BEND3: variants seen among roughly 807,000 people sequenced by gnomAD.
BEND3 encodes the protein BEN domain-containing protein 3.
Under a neutral mutation model 60.1 loss-of-function variants are expected in BEND3, and 13 were observed. The observed-to-expected ratio is 0.22, with a 90% confidence interval of 0.14 to 0.34. The LOEUF (loss-of-function observed/expected upper bound fraction) is 0.34, where lower values mean the gene tolerates loss of function less well. BEND3 is among the 10% of genes least tolerant of loss of function. The probability of loss-of-function intolerance (pLI) is 1.00; values close to 1 mark genes in which losing one functional copy is unlikely to be tolerated. For synonymous variants in BEND3, 497 were observed against 491.5 expected (o/e 1.01, Z -0.15); for missense variants, 896 against 1,138.1 (o/e 0.79, Z 3.06).
chr6:107,092,422 C>T (rs546798018), intron 3 of BEND3, among the ~76,000 whole-genome samples: 40 of 152,028 alleles, frequency 2.6e-4, no homozygotes, highest in Admixed American at 1.1e-3. Context: ...TCACAAAATC[C>T]CACACCATTC....
rs181872110 is a variant in BEND3 at position 107,069,489 on chromosome 6, G to A, written c.1702C>T (p.Leu568=). 6.2e-7 allele frequency: 1 copy of A among 1,613,028 alleles called. No individual in the cohort carries two copies. The highest frequency in any genetic ancestry group is 2.2e-5 in the East Asian group (1 of 44,866). ...EQLRSIYESS[L]SIGNFASRLL... Reference sequence around the variant, plus strand: ...CGCGAGGCGAAGTTGCCGATGGACAGGCTGCTCTCGTAGATGCTGCGTAGC... The same window carrying A: ...CGCGAGGCGAAGTTGCCGATGGACAAGCTGCTCTCGTAGATGCTGCGTAGC... Residue 568 remains leucine, a synonymous_variant, in exon 4 of 4, where the codon CTG becomes TTG. Transcript: ENST00000369042.
intron 3 of BEND3, among the ~76,000 whole-genome samples, chr6:107,082,337 G>C (rs1775252035): frequency 6.6e-6 from 1 of 152,182 alleles, no homozygotes; most frequent in African/African-American, 2.4e-5. Context: ...ACGTGAGTGA[G>C]GTTATTCCAG....
At chr6:107,089,206 A>G (rs532532950) in intron 3 of BEND3, among the ~76,000 whole-genome samples, 1 of 152,326 alleles carries the variant, frequency 6.6e-6, no homozygotes, top group South Asian at 2.1e-4. Context: ...AAATTGAAGA[A>G]GACACAAAAA....
intron 3 of BEND3, among the ~76,000 whole-genome samples, chr6:107,089,166 C>A (rs1476304694): frequency 1.3e-5 from 2 of 150,918 alleles, no homozygotes; most frequent in Admixed American, 1.3e-4. Context: ...AATATCTCTA[C>A]AATGAAAACG....
At chr6:107,102,989 A>C (rs540592299) in intron 1 of BEND3, among the ~76,000 whole-genome samples, 1 of 152,286 alleles carries the variant, frequency 6.6e-6, no homozygotes, top group South Asian at 2.1e-4. Flanking sequence ...GAAATAATAG[A>C]GTCTTCATTC....
rs1468136147 is a variant in BEND3 at position 107,115,465 on chromosome 6, G to C, written c.-387C>G. 2.7e-5 allele frequency among the ~76,000 whole-genome samples: 4 copies of C among 147,394 alleles called. No individual in the cohort carries two copies. Among genetic ancestry groups the C allele is most frequent in the Admixed American group, 6.7e-5 (1 of 14,856 alleles). ...CGTGAACGGCCGCGGCGGGGAGCTC[G>C]GGCGCGCACTCCCGGGACCCAGGCG... On this transcript the variant is annotated 5_prime_UTR_variant, in exon 1 of 4. Transcript: ENST00000369042.
intron 1 of BEND3, among the ~76,000 whole-genome samples, chr6:107,112,309 G>A (rs1475726884): frequency 6.6e-6 from 1 of 152,084 alleles, no homozygotes; most frequent in East Asian, 1.9e-4. Context: ...TGTAATTATT[G>A]GACATTCTGC....
At chr6:107,077,908 C>A (rs561233661) in intron 3 of BEND3, among the ~76,000 whole-genome samples, 1 of 152,226 alleles carries the variant, frequency 6.6e-6, no homozygotes, top group South Asian at 2.1e-4. Context: ...GAAAAACAAA[C>A]CACAGAGACA....
At chr6:107,094,844 AG>A (rs1775552186) in intron 3 of BEND3, among the ~76,000 whole-genome samples, 2 of 119,392 alleles carry the variant, frequency 1.7e-5, no homozygotes, top group East Asian at 2.7e-4. Context: ...TTTTTGAGAC[AG>A]GGTCTCACTC....
chr6:107,102,958 T>C lies in BEND3; in HGVS notation c.-11-3662A>G, dbSNP rs541530797. ...GCTTCAAATCGAGTCTTTCTGTGCC[T>C]TCCCTCAGCCAGCCAGGGAGGAAAT... On this transcript the variant is annotated intron_variant, in intron 1 of 3. Transcript: ENST00000369042. 8.5e-5 allele frequency among the ~76,000 whole-genome samples: 13 copies of C among 152,348 alleles called. No individual in the cohort carries two copies. In the East Asian group the frequency reaches 2.3e-3, roughly 27 times the overall value.
intron 3 of BEND3, among the ~76,000 whole-genome samples, chr6:107,086,286 A>G (rs311221): frequency 0.81 from 122,663 of 151,984 alleles, 49,560 homozygotes; most frequent in East Asian, 0.89. Context: ...GAGGAACTAC[A>G]AAGTCCAAGT....
chr6:107,083,530 G>A (rs9372146), intron 3 of BEND3, among the ~76,000 whole-genome samples: 56,613 of 151,834 alleles, frequency 0.37, 11,095 homozygotes, highest in Non-Finnish European at 0.44. Context: ...CCAGATATTT[G>A]GGAGGCTGAG....
intron 3 of BEND3, among the ~76,000 whole-genome samples, chr6:107,077,689 C>A (rs1219180305): frequency 3.3e-5 from 5 of 152,102 alleles, no homozygotes; most frequent in Admixed American, 3.3e-4. Context: ...TCCCAGTATC[C>A]CACCAGCATG....
chr6:107,111,327 A>G (rs1770082468), intron 1 of BEND3, among the ~76,000 whole-genome samples: 1 of 152,218 alleles, frequency 6.6e-6, no homozygotes, highest in Non-Finnish European at 1.5e-5. Context: ...CCTGGCCAAC[A>G]TGGTGAAACC....
At chr6:107,102,403 T>A (rs771794229) in intron 1 of BEND3, among the ~76,000 whole-genome samples, 1 of 152,190 alleles carries the variant, frequency 6.6e-6, no homozygotes. Flanking sequence ...AGCAGGCAAT[T>A]TGGCCTCTGA....
intron 2 of BEND3, 63 bp from the exon 3 acceptor site, chr6:107,098,816 T>C: frequency 7.0e-7 from 1 of 1,427,242 alleles, no homozygotes; most frequent in Admixed American, 1.7e-5. Flanking sequence ...ATCAGCAGGG[T>C]TCTCTGAGCA....
At position 107,070,339 on chromosome 6, in the gene BEND3, G is replaced by A; in HGVS notation, c.852C>T (p.Phe284=). 6.2e-7 allele frequency: 1 copy of A among 1,612,732 alleles called. No individual in the cohort carries two copies. The highest frequency in any genetic ancestry group is 1.3e-5 in the African/African-American group (1 of 74,904). The change falls in exon 4 of 4, where the codon TTC becomes TTT. Residue 284 remains phenylalanine (F), a synonymous_variant. Transcript: ENST00000369042. The surrounding 1 kb of genome is among the most constrained non-coding windows in gnomAD (Gnocchi z 6.9). ...LFPELFSDVD[F]SRGCSACGFA... ...AGCCACAGGCACTGCAGCCCCGGGA[G>A]AAGTCCACGTCGCTGAAGAGCTCGG... is the stretch of plus-strand genomic sequence containing the variant.
intron 3 of BEND3, among the ~76,000 whole-genome samples, chr6:107,071,959 G>A (rs1198422901): frequency 6.6e-6 from 1 of 152,206 alleles, no homozygotes; most frequent in African/African-American, 2.4e-5. Context: ...TTCACTGGTA[G>A]ACACGTGTCA....
At chr6:107,091,563 G>C (rs1554235230) in intron 3 of BEND3, among the ~76,000 whole-genome samples, 1 of 152,162 alleles carries the variant, frequency 6.6e-6, no homozygotes, top group Non-Finnish European at 1.5e-5. Context: ...CTAGAGGAAA[G>C]AGACTAATTC....
Sources: gnomAD v4.1 joint callset for allele counts (sites outside exome capture counted in the v4.1 genomes callset) on GRCh38, gnomAD v4.1.1 for gene constraint, Gnocchi (gnomAD v3.1) non-coding constraint, MANE v1.5 for transcripts, NCBI Gene and HGNC (gene_info 2026-07-23, HGNC 2026-07-21) for gene names.